PRAG1: variants seen among roughly 807,000 people sequenced by gnomAD.
The protein encoded by PRAG1 is inactive tyrosine-protein kinase PRAG1.
In PRAG1, 110 loss-of-function variants were observed where a neutral mutation model predicts 95.6. The ratio of observed to expected loss-of-function variants is 1.15; its 90% CI spans 0.99 to 1.35. The LOEUF (loss-of-function observed/expected upper bound fraction) is 1.35, where lower values mean the gene tolerates loss of function less well. Ranked by LOEUF, PRAG1 falls within the 40% of genes most tolerant of loss-of-function variation. The pLI, the probability that PRAG1 is intolerant of heterozygous loss-of-function variation, is 0.00. For synonymous variants in PRAG1, 1,052 were observed against 819.4 expected (o/e 1.28, Z -4.85); for missense variants, 2,554 against 1,864.7 (o/e 1.37, Z -6.81).
At chr8:8,339,757 AG>A in intron 3 of PRAG1, 122 bp from the exon 4 acceptor site, 6 of 962,484 alleles carry the variant, frequency 6.2e-6, no homozygotes, top group Non-Finnish European at 5.9e-6. Flanking sequence ...GTTTATTAAA[AG>A]AAAAAAAAAA....
intron 3 of PRAG1, among the ~76,000 whole-genome samples, chr8:8,345,272 T>C (rs1438773172): frequency 6.6e-6 from 1 of 150,952 alleles, no homozygotes; most frequent in East Asian, 2.0e-4. Flanking sequence ...GGCCCAAGCC[T>C]GTAATCCCAG....
At chr8:8,353,224 G>T (rs1170642329) in intron 3 of PRAG1, among the ~76,000 whole-genome samples, 1 of 152,110 alleles carries the variant, frequency 6.6e-6, no homozygotes, top group Non-Finnish European at 1.5e-5. Context: ...GACCTAAAAA[G>T]CATATATAGA....
At chr8:8,372,341 C>T (rs1459701498) in intron 3 of PRAG1, among the ~76,000 whole-genome samples, 1 of 152,204 alleles carries the variant, frequency 6.6e-6, no homozygotes, top group Non-Finnish European at 1.5e-5. Flanking sequence ...AAGTCTTAAG[C>T]ATGACATTTA....
intron 5 of PRAG1, among the ~76,000 whole-genome samples, chr8:8,326,583 G>A (rs1288211469): frequency 6.6e-6 from 1 of 152,190 alleles, no homozygotes. Flanking sequence ...TGGCCCAAAT[G>A]GGTGCAGATG....
intron 3 of PRAG1, among the ~76,000 whole-genome samples, chr8:8,349,870 T>C (rs1163453229): frequency 6.6e-6 from 1 of 151,932 alleles, no homozygotes; most frequent in Non-Finnish European, 1.5e-5. Context: ...TTTAACTTCA[T>C]ATTCAGTAGA....
chr8:8,373,294 C>T (rs966980163), intron 3 of PRAG1, among the ~76,000 whole-genome samples: 3 of 152,158 alleles, frequency 2.0e-5, no homozygotes, highest in Non-Finnish European at 4.4e-5. Flanking sequence ...TGTTCCCAGG[C>T]CTGCCCTCTT....
chr8:8,325,021 A>T (rs890607888), intron 5 of PRAG1, among the ~76,000 whole-genome samples: 1 of 152,188 alleles, frequency 6.6e-6, no homozygotes, highest in African/African-American at 2.4e-5. Flanking sequence ...CGCGACCGCA[A>T]ACGAGGCTCC....
chr8:8,340,978 C>T (rs1322857373), intron 3 of PRAG1, among the ~76,000 whole-genome samples: 1 of 152,146 alleles, frequency 6.6e-6, no homozygotes, highest in Non-Finnish European at 1.5e-5. Context: ...AATCTCCTGG[C>T]AAAATAAAAT....
chr8:8,347,876 G>A (rs1485140947), intron 3 of PRAG1, among the ~76,000 whole-genome samples: 1 of 144,700 alleles, frequency 6.9e-6, no homozygotes, highest in Non-Finnish European at 1.5e-5. Context: ...GAGTGCAGCG[G>A]CATGATCTCA....
At chr8:8,334,368 G>A (rs1249379601) in intron 4 of PRAG1, among the ~76,000 whole-genome samples, 1 of 151,894 alleles carries the variant, frequency 6.6e-6, no homozygotes, top group African/African-American at 2.4e-5. Flanking sequence ...GCCTGGAAGT[G>A]GAGGTTGCAA....
chr8:8,366,218 C>G (rs184999435), intron 3 of PRAG1, among the ~76,000 whole-genome samples: 33 of 151,940 alleles, frequency 2.2e-4, no homozygotes, highest in African/African-American at 7.7e-4. Flanking sequence ...GCATTTCGGT[C>G]TAAAATTAGA....
Position 8,374,716 on chromosome 8 carries a change from A to C in PRAG1, c.2162+1531T>G, listed in dbSNP as rs1025202178. On this transcript the variant is annotated intron_variant, in intron 3 of 5. Coordinates refer to ENST00000615670, the MANE Select transcript of PRAG1 (RefSeq NM_001080826.3). ...CTGCCAAAGAGTCTGCAATCACCTCAGGATCTGGAAGATGTCTGTTCTCCA... is the reference window on the plus strand; with the variant it reads ...CTGCCAAAGAGTCTGCAATCACCTCCGGATCTGGAAGATGTCTGTTCTCCA... The C allele has an allele frequency of 3.0e-6, 3 of 985,236 alleles. No individual in the cohort carries two copies. In the African/African-American group the frequency reaches 5.2e-5, roughly 17 times the overall value. The allele number at this position is 985,236 out of a possible 1,614,324, so 61.0% of individuals were successfully genotyped here.
rs749762169 is a variant in PRAG1 at position 8,327,914 on chromosome 8, C to A, written c.2868G>T (p.Gly956=). 2.5e-6 allele frequency: 4 copies of A among 1,614,012 alleles called. No individual in the cohort carries two copies. The South Asian group carries it at 4.4e-5, about 18-fold the overall frequency. ...SSKEGTYAKL[G]GLYTQSLARL... ...GGGCCAGGGACTGGGTGTAGAGTCC[C>A]CCCAGCTTGGCATAGGTGCCCTCCT... Residue 956 remains glycine (G), a synonymous_variant, in exon 5 of 6, where the codon GGG becomes GGT. Coordinates refer to ENST00000615670, the MANE Select transcript of PRAG1 (RefSeq NM_001080826.3).
rs751371846 is a variant in PRAG1, at chr8:8,376,293, T to C, written c.2116A>G (p.Ser706Gly). ...GGAGGTGAGAATGTCTCAATCCCACTTCTGTCCTTGGGGAACTCAAAGGCA... is the reference window on the plus strand; with the variant it reads ...GGAGGTGAGAATGTCTCAATCCCACCTCTGTCCTTGGGGAACTCAAAGGCA... ...SFAFEFPKDRSGIETFSPPPP... is the reference protein window; with the variant it reads ...SFAFEFPKDRGGIETFSPPPP... The change falls in exon 3 of 6, where the codon AGT (serine) becomes GGT (glycine). Residue 706 changes from serine to glycine, a missense_variant. Ser to Gly is a moderately conservative substitution (Grantham distance 56, BLOSUM62 0). Transcript: ENST00000615670. 15 of 1,614,064 alleles carry C rather than the reference T, an allele frequency of 9.3e-6. No individual in the cohort carries two copies. Among genetic ancestry groups the C allele is most frequent in the African/African-American group, 1.3e-5 (1 of 74,908 alleles).
intron 4 of PRAG1, among the ~76,000 whole-genome samples, chr8:8,334,291 G>T (rs1798917185): frequency 6.6e-6 from 1 of 152,024 alleles, no homozygotes; most frequent in Non-Finnish European, 1.5e-5. Context: ...ACAAAAATTA[G>T]CTGGGCATAG....
Position 8,381,739 on chromosome 8 carries a change from C to G in PRAG1, c.9G>C (p.Gln3His). 6.3e-7 allele frequency: 1 copy of G among 1,585,244 alleles called. No individual in the cohort carries two copies. Among genetic ancestry groups the G allele is most frequent in the Non-Finnish European group, 8.6e-7 (1 of 1,161,688 alleles). MHQTLCLNPESLK... is the reference protein window; with the variant it reads MHHTLCLNPESLK... Reference sequence around the variant, plus strand: ...GGCTCTCGGGGTTCAGGCAGAGGGTCTGGTGCATCTTGAGCCGACAGGGTG... The same window carrying G: ...GGCTCTCGGGGTTCAGGCAGAGGGTGTGGTGCATCTTGAGCCGACAGGGTG... Residue 3 changes from glutamine to histidine, a missense_variant, in exon 2 of 6, where the codon CAG becomes CAC. Transcript: ENST00000615670.
In PRAG1 at chr8:8,327,911, T is replaced by TC; in HGVS notation, c.2870dup (p.Leu958ThrfsTer14). The TC allele has an allele frequency of 6.2e-7, 1 of 1,613,500 alleles. No homozygotes were observed. Among genetic ancestry groups the TC allele is most frequent in the Middle Eastern group, 1.6e-4 (1 of 6,062 alleles). On this transcript the variant is annotated frameshift_variant, in exon 5 of 6. Transcript: ENST00000615670. LOFTEE classifies it high-confidence loss of function. ...GGCGGGCCAGGGACTGGGTGTAGAG[T>TC]CCCCCCAGCTTGGCATAGGTGCCCT...
At chr8:8,325,702 A>G (rs1008127456) in intron 5 of PRAG1, among the ~76,000 whole-genome samples, 1 of 152,044 alleles carries the variant, frequency 6.6e-6, no homozygotes, top group Non-Finnish European at 1.5e-5. Flanking sequence ...CAAGGTCAGG[A>G]GTTCGAGACC....
chr8:8,383,028 T>C (rs1317607579), intron 1 of PRAG1, among the ~76,000 whole-genome samples: 1 of 152,114 alleles, frequency 6.6e-6, no homozygotes, highest in South Asian at 2.1e-4. Flanking sequence ...TAAGGGTGAA[T>C]AGGTTCTCAT....
Sources: gnomAD v4.1 joint callset for allele counts (sites outside exome capture counted in the v4.1 genomes callset) on GRCh38, gnomAD v4.1.1 for gene constraint, MANE v1.5 for transcripts, NCBI Gene and HGNC (gene_info 2026-07-23, HGNC 2026-07-21) for gene names.